SFI1: variants seen among roughly 807,000 people sequenced by gnomAD.
SFI1 encodes SFI1 centrin binding protein.
A neutral mutation model predicts 207.5 loss-of-function variants in SFI1; 195 were observed. The observed-to-expected ratio is 0.94, with a 90% CI of 0.84 to 1.06. The LOEUF is 1.06. Among genes scored for constraint, SFI1 ranks in the 50% least tolerant of loss-of-function variants. The pLI is 0.00. For synonymous variants in SFI1, 630 were observed against 598.9 expected (o/e 1.05, Z -0.76); for missense variants, 1,634 against 1,588.0 (o/e 1.03, Z -0.49).
chr22:31,600,003 G>A (rs2067853914), intron 15 of SFI1, among the ~76,000 whole-genome samples: 1 of 151,582 alleles, frequency 6.6e-6, no homozygotes, highest in African/African-American at 2.4e-5. Context: ...GATTACAGGA[G>A]TGAGCCACCA....
chr22:31,568,221 TA>T (rs1268228319), intron 8 of SFI1, among the ~76,000 whole-genome samples: 114 of 129,934 alleles, frequency 8.8e-4, no homozygotes, highest in Non-Finnish European at 1.2e-3. Flanking sequence ...TATATATATA[TA>T]TATATTTTTT....
At chr22:31,601,656 C>T (rs1011798372) in intron 15 of SFI1, among the ~76,000 whole-genome samples, 2 of 152,128 alleles carry the variant, frequency 1.3e-5, no homozygotes, top group African/African-American at 4.8e-5. Flanking sequence ...GAGTCTTTTT[C>T]GTACGGTGTG....
chr22:31,590,966 TA>T (rs2065790186), intron 15 of SFI1, among the ~76,000 whole-genome samples: 18 of 148,536 alleles, frequency 1.2e-4, no homozygotes, highest in South Asian at 2.1e-4. Flanking sequence ...TTTATTTATT[TA>T]TTTATTTATT....
chr22:31,602,398 G>A, intron 16 of SFI1, 105 bp downstream of exon 16: 1 of 1,248,210 alleles, frequency 8.0e-7, no homozygotes, highest in Non-Finnish European at 1.2e-6. Context: ...CTCACTGGAG[G>A]GCCCCTGCCT....
intron 15 of SFI1, among the ~76,000 whole-genome samples, chr22:31,598,715 C>CTTTTTTTTTTTTT (rs1215038400): frequency 4.8e-4 from 1 of 2,102 alleles, no homozygotes; most frequent in African/African-American, 9.2e-4. Context: ...CTGCGCCTGG[C>CTTTTTTTTTTTTT]CTTTTTTTTT....
chr22:31,506,090 C>T (rs1289828745), intron 1 of SFI1, among the ~76,000 whole-genome samples: 3 of 139,624 alleles, frequency 2.1e-5, no homozygotes, highest in Non-Finnish European at 4.7e-5. Context: ...TGCTCTGTTG[C>T]CCAGGCTGCA....
At chr22:31,526,375 G>A (rs1162160766) in intron 2 of SFI1, among the ~76,000 whole-genome samples, 1 of 152,114 alleles carries the variant, frequency 6.6e-6, no homozygotes, top group Admixed American at 6.6e-5. Flanking sequence ...GGGTGAAGTG[G>A]GGGAAAGCCC....
rs915355229 is a variant in SFI1, at chr22:31,499,475, G to A, written c.-31+2838G>A. Among the ~76,000 whole-genome samples the A allele has an allele frequency of 3.3e-5, 5 of 151,986 alleles. No individual in the cohort carries two copies. In the East Asian group the frequency reaches 7.7e-4, roughly 23 times the overall value. On this transcript the variant is annotated intron_variant, in intron 1 of 32. Transcript: ENST00000400288. ...GTGTGAATCACCGTGCCTGGTGAAA[G>A]TGGTTTCTTGAGTTGAAATCTACAC...
rs765761970 is a variant in SFI1, at chr22:31,585,141, A to G, written c.1413+7A>G. 6.2e-6 allele frequency: 10 copies of G among 1,612,650 alleles called. 1 individual carries two copies. The South Asian group carries it at 1.1e-4, about 18-fold the overall frequency. On this transcript the variant is annotated splice_region_variant and intron_variant, in intron 14 of 32. Coordinates refer to ENST00000400288, the MANE Select transcript of SFI1 (RefSeq NM_001007467.3). The stretch of plus-strand genomic sequence containing the variant: ...GAAGAGGCGGTACAAGCAGGTATGG[A>G]GTACTTTTTAGCAGATAGCTCTACT...
chr22:31,601,827 C>CT (rs1452873586), intron 15 of SFI1, among the ~76,000 whole-genome samples: 1 of 152,034 alleles, frequency 6.6e-6, no homozygotes, highest in Non-Finnish European at 1.5e-5. Flanking sequence ...GGGTCTCACT[C>CT]TGTTGCCCAG....
intron 1 of SFI1, among the ~76,000 whole-genome samples, chr22:31,498,250 G>A (rs2053091208): frequency 1.3e-5 from 2 of 151,920 alleles, no homozygotes; most frequent in Non-Finnish European, 2.9e-5. Context: ...AGCCAAGATT[G>A]CGCCATTGCA....
intron 19 of SFI1, 97 bp downstream of exon 19, chr22:31,604,501 A>G (rs1159315540): frequency 8.9e-7 from 1 of 1,127,604 alleles, no homozygotes; most frequent in Non-Finnish European, 1.2e-6. Context: ...CCGTCCCAGA[A>G]CAGAGTCACG....
At chr22:31,586,418 T>G (rs2065034411) in intron 14 of SFI1, among the ~76,000 whole-genome samples, 2 of 152,242 alleles carry the variant, frequency 1.3e-5, no homozygotes, top group Non-Finnish European at 2.9e-5. Flanking sequence ...AATATTTGGA[T>G]GAATTAATGC....
Position 31,531,104 on chromosome 22 carries a change from G to A in SFI1, c.313G>A (p.Gly105Arg), listed in dbSNP as rs759734235. ...FLYLWIRMTF[G>R]RVFPSKARFY... ...ATATTTATGGATTCGAATGACTTTT[G>A]GAAGAGTATTTCCCTCTAAAGCCAG... Residue 105 changes from glycine (G) to arginine (R), a missense_variant, in exon 4 of 33, where the codon GGA becomes AGA. Transcript: ENST00000400288. 2 of 1,613,382 alleles carry A rather than the reference G, an allele frequency of 1.2e-6. No individual in the cohort carries two copies. The highest frequency in any genetic ancestry group is 2.2e-5 in the East Asian group (1 of 44,866).
At chr22:31,533,421 T>C (rs1267385672) in intron 4 of SFI1, among the ~76,000 whole-genome samples, 1 of 151,916 alleles carries the variant, frequency 6.6e-6, no homozygotes. Flanking sequence ...TTCCAGCTAC[T>C]AGGGAGGCTG....
chr22:31,616,783 G>T lies in SFI1; in HGVS notation c.3339G>T (p.Pro1113=), dbSNP rs369246845. The T allele has an allele frequency of 1.9e-6, 3 of 1,596,722 alleles. No homozygotes were observed. Among genetic ancestry groups the T allele is most frequent in the South Asian group, 2.3e-5 (2 of 88,476 alleles). ...AQRATPRDKP[P]VPSSLASVPD... is the part of the protein sequence containing the mutation. ...GGGCTACTCCTAGGGATAAGCCCCC[G>T]GTCCCCTCATCCCTGGCCAGTGTCC... Residue 1113 remains proline, a synonymous_variant, in exon 30 of 33, where the codon CCG becomes CCT. Coordinates refer to ENST00000400288, the MANE Select transcript of SFI1 (RefSeq NM_001007467.3).
chr22:31,604,680 C>A, intron 19 of SFI1, 189 bp from the exon 20 acceptor site: 1 of 600,120 alleles, frequency 1.7e-6, no homozygotes, highest in Non-Finnish European at 3.0e-6. Flanking sequence ...AGGTGAGGGC[C>A]TGTGAGACAG....
chr22:31,504,520 G>C (rs563966960), intron 1 of SFI1, among the ~76,000 whole-genome samples: 1 of 152,238 alleles, frequency 6.6e-6, no homozygotes, highest in South Asian at 2.1e-4. Context: ...CACCCTGTTA[G>C]CTTGCCTCCA....
At chr22:31,519,618 A>G (rs970013075) in intron 2 of SFI1, among the ~76,000 whole-genome samples, 3 of 151,770 alleles carry the variant, frequency 2.0e-5, no homozygotes, top group African/African-American at 7.3e-5. Flanking sequence ...TTGTATTTTT[A>G]GTAGAGACAG....
Sources: allele counts gnomAD v4.1 joint callset (sites outside exome capture counted in the v4.1 genomes callset), GRCh38; gene constraint gnomAD v4.1.1; transcripts MANE v1.5; gene names NCBI Gene and HGNC (gene_info 2026-07-23, HGNC 2026-07-21).